The following PHKA1 variants were observed in gnomAD, a reference collection of about 807,000 sequenced individuals.
PHKA1 encodes phosphorylase b kinase regulatory subunit alpha, skeletal muscle isoform.
Under a neutral mutation model 110.2 loss-of-function variants are expected in PHKA1, and 60 were observed. The observed-to-expected ratio is 0.54, with a 90% CI of 0.44 to 0.68. PHKA1 has a LOEUF of 0.68. Among genes scored for constraint, PHKA1 ranks in the 30% least tolerant of loss-of-function variants. The pLI is 0.00. For missense variants in PHKA1, 801 were observed against 942.5 expected (o/e 0.85, Z 1.97); for synonymous variants, 316 against 333.6 (o/e 0.95, Z 0.58).
intron 13 of PHKA1, among the ~76,000 whole-genome samples, chrX:72,647,811 C>T (rs2053379776): frequency 9.0e-6 from 1 of 110,991 alleles, no homozygotes; most frequent in Admixed American, 9.6e-5. Context: ...GGGCTAAGGA[C>T]AGAATTCTCA....
At chrX:72,646,048 T>C (rs1000410240) in intron 13 of PHKA1, among the ~76,000 whole-genome samples, 3 of 111,950 alleles carry the variant, frequency 2.7e-5, no homozygotes, top group African/African-American at 9.8e-5. Flanking sequence ...TGGCTGCATG[T>C]ATAGAGGGAG....
At chrX:72,629,014 T>C (rs1009424902) in intron 16 of PHKA1, among the ~76,000 whole-genome samples, 1 of 112,040 alleles carries the variant, frequency 8.9e-6, no homozygotes, top group African/African-American at 3.2e-5. Context: ...GTATTTATAT[T>C]AAATTTTGTC....
chrX:72,630,296 G>GGAGA (rs372667448), intron 16 of PHKA1, among the ~76,000 whole-genome samples: 37 of 99,335 alleles, frequency 3.7e-4, no homozygotes, highest in Middle Eastern at 5.3e-3. Context: ...CGGGGGTGGG[G>GGAGA]GAGAGAGAGA....
At chrX:72,636,562 A>G (rs2053233561) in intron 14 of PHKA1, among the ~76,000 whole-genome samples, 176 bp from the exon 15 acceptor site, 1 of 112,031 alleles carries the variant, frequency 8.9e-6, no homozygotes, top group African/African-American at 3.2e-5. Context: ...ACAGTTTAGC[A>G]TTCTGAAATT....
rs782576175 is a variant in PHKA1, at chrX:72,712,701, C to T, written c.237+78G>A. ...TTCTCTTAGCTTTTGGTGGGTTTCA[C>T]TTCCTTCAGTCCCCACTCTGCCCCC... On this transcript the variant is annotated intron_variant, in intron 2 of 31. Transcript: ENST00000373542. 10 of 974,030 alleles carry T rather than the reference C, an allele frequency of 1.0e-5. No homozygotes were observed. The Admixed American group carries it at 1.4e-4, about 14-fold the overall frequency. 80.3% of individuals were successfully genotyped at this position (974,030 alleles called of 1,213,427 possible).
At chrX:72,664,198 G>A (rs1018740483) in intron 8 of PHKA1, among the ~76,000 whole-genome samples, 4 of 111,045 alleles carry the variant, frequency 3.6e-5, no homozygotes, top group African/African-American at 1.3e-4. Flanking sequence ...CACTTCACCT[G>A]TAAAGACACA....
intron 5 of PHKA1, among the ~76,000 whole-genome samples, chrX:72,681,067 T>C (rs1472695379): frequency 4.1e-5 from 2 of 49,037 alleles, no homozygotes; most frequent in African/African-American, 1.6e-4. Context: ...CGCCATCCCA[T>C]CTAGGAAGTG....
intron 2 of PHKA1, among the ~76,000 whole-genome samples, chrX:72,710,851 T>A (rs1443374675): frequency 5.1e-5 from 5 of 97,419 alleles, no homozygotes; most frequent in East Asian, 1.4e-3. Flanking sequence ...TTTTTTTTTT[T>A]ATTTTTATTT....
chrX:72,584,059 T>C (rs1033974301), intron 30 of PHKA1, among the ~76,000 whole-genome samples, 190 bp downstream of exon 30: 1 of 112,611 alleles, frequency 8.9e-6, no homozygotes, highest in Non-Finnish European at 1.9e-5. Context: ...TTTGTCTTCA[T>C]ATAAAGTAAT....
chrX:72,637,380 T>C (rs1556292440), intron 14 of PHKA1, among the ~76,000 whole-genome samples: 1 of 112,238 alleles, frequency 8.9e-6, no homozygotes, highest in African/African-American at 3.2e-5. Context: ...TGTCAGAATC[T>C]CCTTCCTTTT....
At chrX:72,657,666 A>G in intron 8 of PHKA1, 25 bp from the exon 9 acceptor site, 1 of 1,165,420 alleles carries the variant, frequency 8.6e-7, no homozygotes, top group Non-Finnish European at 1.2e-6. Flanking sequence ...AAAAAAGGTC[A>G]GCAGCTTGTA....
At chrX:72,637,528 GT>G (rs1435830598) in intron 14 of PHKA1, among the ~76,000 whole-genome samples, 1 of 111,853 alleles carries the variant, frequency 8.9e-6, no homozygotes, top group Non-Finnish European at 1.9e-5. Context: ...TGTAGAAAAT[GT>G]TCAAGTTCCT....
chrX:72,606,358 A>ACACG (rs1404730534), intron 23 of PHKA1, among the ~76,000 whole-genome samples: 4 of 107,775 alleles, frequency 3.7e-5, no homozygotes, highest in Non-Finnish European at 7.8e-5. Context: ...ACACATGCAC[A>ACACG]CACACACACA....
At chrX:72,667,318 A>T (rs2053625755) in intron 7 of PHKA1, 57 bp downstream of exon 7, 1 of 875,993 alleles carries the variant, frequency 1.1e-6, no homozygotes, top group Non-Finnish European at 1.7e-6. Context: ...GCTCATGCTT[A>T]AATCTGAGTC....
At chrX:72,646,128 G>C (rs1347439367) in intron 13 of PHKA1, among the ~76,000 whole-genome samples, 3 of 111,887 alleles carry the variant, frequency 2.7e-5, no homozygotes, top group African/African-American at 9.8e-5. Flanking sequence ...AAAAGAAATG[G>C]ATCTGGAAAG....
intron 29 of PHKA1, among the ~76,000 whole-genome samples, chrX:72,588,382 G>A (rs1375090368): frequency 8.9e-6 from 1 of 112,017 alleles, no homozygotes; most frequent in Non-Finnish European, 1.9e-5. Context: ...TGAAACCAAT[G>A]AGAACAAAGA....
intron 9 of PHKA1, 77 bp downstream of exon 9, chrX:72,657,511 A>G: frequency 2.9e-6 from 2 of 701,457 alleles, no homozygotes; most frequent in Non-Finnish European, 4.6e-6. Context: ...TCAGTGAGGT[A>G]AATATTTTCT....
chrX:72,650,565 T>C, intron 12 of PHKA1, 97 bp from the exon 13 acceptor site: 1 of 676,580 alleles, frequency 1.5e-6, no homozygotes, highest in Non-Finnish European at 2.3e-6. Context: ...CCTTGCACCA[T>C]AACATTCAAG....
At chrX:72,631,684 A>G (rs1313590308) in intron 16 of PHKA1, among the ~76,000 whole-genome samples, 4 of 108,661 alleles carry the variant, frequency 3.7e-5, no homozygotes, top group Admixed American at 3.0e-4. Flanking sequence ...GGCCCAGGAT[A>G]TTTACTGCTC....
Sources: allele counts gnomAD v4.1 joint callset (sites outside exome capture counted in the v4.1 genomes callset), GRCh38; gene constraint gnomAD v4.1.1; transcripts MANE v1.5; gene names NCBI Gene and HGNC (gene_info 2026-07-23, HGNC 2026-07-21).